The following PCDHGA2 variants were observed in gnomAD, a reference collection of about 807,000 sequenced individuals.
The protein encoded by PCDHGA2 is protocadherin gamma subfamily A, 2.
PCDHGA2 carries 40 observed loss-of-function variants against 59.2 expected under a neutral mutation model. The observed-to-expected ratio is 0.68, with a 90% CI of 0.52 to 0.88. The LOEUF is 0.88. Ranked by LOEUF, PCDHGA2 falls within the 40% of genes least tolerant of loss-of-function variation. The pLI is 0.00. For missense variants in PCDHGA2, 1,226 were observed against 1,204.0 expected (o/e 1.02, Z -0.27); for synonymous variants, 560 against 526.0 (o/e 1.06, Z -0.89).
intron 1 of PCDHGA2, chr5:141,385,236 C>T: frequency 2.5e-6 from 4 of 1,614,152 alleles, no homozygotes; most frequent in Non-Finnish European, 3.4e-6. Flanking sequence ...TAGACATGCT[C>T]ATCAGCCAGG....
At chr5:141,484,966 G>A in intron 1 of PCDHGA2, 1 of 583,968 alleles carries the variant, frequency 1.7e-6, no homozygotes. Context: ...GAGCCCGGGA[G>A]CCGCTGTCTG....
chr5:141,420,313 C>A, intron 1 of PCDHGA2: 1 of 1,434,874 alleles, frequency 7.0e-7, no homozygotes, highest in Non-Finnish European at 9.4e-7. Flanking sequence ...TTTTATATTA[C>A]AATATGCCAA....
At chr5:141,404,186 C>G in intron 1 of PCDHGA2, 1 of 1,613,086 alleles carries the variant, frequency 6.2e-7, no homozygotes, top group Non-Finnish European at 8.5e-7. Flanking sequence ...AATTCTTGAC[C>G]GAGAAAAAGC....
intron 1 of PCDHGA2, chr5:141,400,290 C>G (rs1455484413): frequency 3.1e-6 from 5 of 1,613,972 alleles, no homozygotes; most frequent in Non-Finnish European, 3.4e-6. Context: ...CCGCCTGGAG[C>G]TGCTTCCAAC....
intron 1 of PCDHGA2, among the ~76,000 whole-genome samples, chr5:141,472,969 A>G: frequency 6.8e-6 from 1 of 147,990 alleles, no homozygotes; most frequent in Non-Finnish European, 1.5e-5. Flanking sequence ...CTGGGGAACA[A>G]GAGTGAAACT....
intron 1 of PCDHGA2, chr5:141,355,810 G>C (rs756091940): frequency 6.2e-7 from 1 of 1,613,274 alleles, no homozygotes; most frequent in Non-Finnish European, 8.5e-7. Context: ...AGATCGCGAG[G>C]AAGAGGCGGT....
intron 1 of PCDHGA2, chr5:141,422,758 A>AAC (rs748292321): frequency 6.2e-7 from 1 of 1,613,150 alleles, no homozygotes. Flanking sequence ...TATTAACTCC[A>AAC]ACACTGGTGT....
intron 1 of PCDHGA2, among the ~76,000 whole-genome samples, chr5:141,448,106 A>G (rs1308837314): frequency 1.3e-5 from 2 of 151,996 alleles, no homozygotes. Context: ...AAATTAAAAG[A>G]AAAGAAAATT....
chr5:141,360,603 A>G, intron 1 of PCDHGA2: 1 of 1,614,056 alleles, frequency 6.2e-7, no homozygotes, highest in Non-Finnish European at 8.5e-7. Flanking sequence ...CACTTGACCC[A>G]GCCCTGGATT....
At chr5:141,430,653 A>G (rs2097300223) in intron 1 of PCDHGA2, 4 of 1,073,410 alleles carry the variant, frequency 3.7e-6, no homozygotes, top group Middle Eastern at 2.4e-4. Context: ...TGTGGAAACA[A>G]CGGAGGAGCT....
At chr5:141,352,216 C>T (rs200739845) in intron 1 of PCDHGA2, 307 of 1,613,584 alleles carry the variant, frequency 1.9e-4, no homozygotes, top group East Asian at 2.9e-4. Flanking sequence ...CACTCTCCGC[C>T]ACCGCCACGC....
chr5:141,351,059 G>C, intron 1 of PCDHGA2: 1 of 1,614,066 alleles, frequency 6.2e-7, no homozygotes, highest in Non-Finnish European at 8.5e-7. Flanking sequence ...CACAGACCAG[G>C]ATGAGGGCAT....
chr5:141,400,646 CTGTCCT>C, intron 1 of PCDHGA2: 1 of 1,222,508 alleles, frequency 8.2e-7, no homozygotes, highest in South Asian at 1.4e-5. Flanking sequence ...GCTCAGAAAG[CTGTCCT>C]ACCATTCTTT....
intron 1 of PCDHGA2, among the ~76,000 whole-genome samples, chr5:141,435,885 C>T (rs2097784639): frequency 6.6e-6 from 1 of 152,088 alleles, no homozygotes; most frequent in Non-Finnish European, 1.5e-5. Context: ...TTGGAAACCC[C>T]TTAGAGAATG....
At chr5:141,404,231 A>G (rs1403622769) in intron 1 of PCDHGA2, 1 of 1,613,928 alleles carries the variant, frequency 6.2e-7, no homozygotes, top group Non-Finnish European at 8.5e-7. Context: ...TGCAACAGAC[A>G]GAGGAACTCC....
chr5:141,371,682 C>G, intron 1 of PCDHGA2: 4 of 1,614,036 alleles, frequency 2.5e-6, no homozygotes, highest in Non-Finnish European at 2.5e-6. Flanking sequence ...CAAAGGCAAT[C>G]CACCGCTCTC....
Position 141,339,204 on chromosome 5 carries a change from A to G in PCDHGA2, c.233A>G (p.Asn78Ser). The change falls in exon 1 of 4, where the codon AAC becomes AGC. Residue 78 changes from asparagine (N) to serine (S), a missense_variant. Transcript: ENST00000394576. ...GGTAGGTCCCAGCTCTTTGCTCTGA[A>G]CCCGCGAAGCGGCAGCTTGGTCACT... ...SRGRSQLFAL[N>S]PRSGSLVTAN... is the part of the protein sequence containing the mutation. The G allele has an allele frequency of 6.2e-7, 1 of 1,614,046 alleles. No homozygotes were observed. Among genetic ancestry groups the G allele is most frequent in the Non-Finnish European group, 8.5e-7 (1 of 1,179,952 alleles).
At chr5:141,405,231 C>T in intron 1 of PCDHGA2, 2 of 1,614,130 alleles carry the variant, frequency 1.2e-6, no homozygotes, top group Non-Finnish European at 1.7e-6. Flanking sequence ...TTCTCCCTCA[C>T]CGCTGACTCA....
intron 1 of PCDHGA2, chr5:141,478,008 C>T: frequency 6.2e-7 from 1 of 1,614,124 alleles, no homozygotes; most frequent in Non-Finnish European, 8.5e-7. Flanking sequence ...ATCAGTACTG[C>T]CCGTCCAGTC....
Sources: gnomAD v4.1 joint callset for allele counts (sites outside exome capture counted in the v4.1 genomes callset) on GRCh38, gnomAD v4.1.1 for gene constraint, MANE v1.5 for transcripts, NCBI Gene and HGNC (gene_info 2026-07-23, HGNC 2026-07-21) for gene names.